The following TSEN2 variants were observed in gnomAD, a reference collection of about 807,000 sequenced individuals.
The protein encoded by TSEN2 is tRNA splicing endonuclease subunit 2.
In TSEN2, 54 loss-of-function variants were observed where a neutral mutation model predicts 59.2. The observed-to-expected ratio is 0.91, with a 90% CI of 0.73 to 1.14. The LOEUF (loss-of-function observed/expected upper bound fraction) is 1.14. TSEN2 is among the 50% of genes most tolerant of loss of function. TSEN2 has a pLI of 0.00. For missense variants in TSEN2, 636 were observed against 576.2 expected (o/e 1.10, Z -1.06); for synonymous variants, 195 against 198.2 (o/e 0.98, Z 0.14).
intron 3 of TSEN2, among the ~76,000 whole-genome samples, chr3:12,494,388 TTTA>T (rs1455244352): frequency 6.6e-6 from 1 of 152,090 alleles, no homozygotes; most frequent in Admixed American, 6.6e-5. Context: ...AAATAGATAT[TTTA>T]TTATATTTTT....
At chr3:12,516,138 C>T (rs1482771058) in intron 6 of TSEN2, among the ~76,000 whole-genome samples, 1 of 151,874 alleles carries the variant, frequency 6.6e-6, no homozygotes, top group Non-Finnish European at 1.5e-5. Flanking sequence ...AAATATGTGA[C>T]TTTTGGCCAG....
intron 8 of TSEN2, among the ~76,000 whole-genome samples, chr3:12,521,782 C>A (rs377163179): frequency 6.6e-6 from 1 of 152,032 alleles, no homozygotes; most frequent in Non-Finnish European, 1.5e-5. Context: ...GAGGCTGAGG[C>A]GGGCTGATCA....
At position 12,533,014 on chromosome 3, in the gene TSEN2, G is replaced by GC; in HGVS notation, c.*293_*294insC. On this transcript the variant is annotated 3_prime_UTR_variant, in exon 12 of 12. Transcript: ENST00000284995. ...ACTCACTGGGGAGATTGGACTAGAG[G>GC]AGTCCTGAGAGGACACTTCCAACAA... 1 of 490,368 alleles carries GC rather than the reference G, an allele frequency of 2.0e-6. No individual in the cohort carries two copies. Among genetic ancestry groups the GC allele is most frequent in the South Asian group, 2.2e-5 (1 of 45,054 alleles). The allele number at this position is 490,368 out of a possible 1,614,324, so 30.4% of individuals were successfully genotyped here. A position where few individuals can be genotyped will look rare whatever the true frequency, so the allele number is the denominator to read the frequency against.
chr3:12,505,277 T>C (rs751355054), intron 6 of TSEN2, 46 bp downstream of exon 6: 1 of 1,148,566 alleles, frequency 8.7e-7, no homozygotes, highest in Non-Finnish European at 1.3e-6. Flanking sequence ...TCTCTGGGCC[T>C]GAACTACACT....
At chr3:12,482,249 G>A (rs189217173), upstream of TSEN2, among the ~76,000 whole-genome samples, 72 of 152,236 alleles carry the variant, frequency 4.7e-4, no homozygotes, top group African/African-American at 1.6e-3. Flanking sequence ...AGCCTCCAGG[G>A]TAGCTGGGAT....
In TSEN2 at chr3:12,503,210, T is replaced by C. The variant is rs146863687; in HGVS notation, c.309-52T>C. ...AGTCTGTTTTATGTGCTTTGTTGTT[T>C]TTTCAATTTTGAAATTCGAGTGCTG... On this transcript the variant is annotated intron_variant, in intron 4 of 11. Coordinates refer to ENST00000284995, the MANE Select transcript of TSEN2 (RefSeq NM_025265.4). The C allele has an allele frequency of 1.1e-4, 185 of 1,611,936 alleles. No homozygotes were observed. The East Asian group carries it at 3.7e-3, about 32-fold the overall frequency.
chr3:12,518,377 C>T (rs183594189), intron 7 of TSEN2, among the ~76,000 whole-genome samples: 5 of 152,302 alleles, frequency 3.3e-5, no homozygotes, highest in East Asian at 1.9e-4. Context: ...GAACTGTGCT[C>T]CAGCCTTGGT....
upstream of TSEN2, among the ~76,000 whole-genome samples, chr3:12,481,907 G>GTGTA (rs910021391): frequency 5.8e-4 from 62 of 106,568 alleles, 1 homozygote; most frequent in African/African-American, 2.1e-3. Flanking sequence ...ATGTGTGTGT[G>GTGTA]TGTGTGTGTG....
intron 11 of TSEN2, among the ~76,000 whole-genome samples, chr3:12,532,219 T>C (rs2057505782): frequency 6.6e-6 from 1 of 152,200 alleles, no homozygotes; most frequent in Non-Finnish European, 1.5e-5. Context: ...GACCTGCTGG[T>C]CGGTCTCCAG....
chr3:12,489,993 A>G lies in TSEN2; in HGVS notation c.189+4A>G, dbSNP rs200486480. The G allele has an allele frequency of 2.8e-5, 45 of 1,614,048 alleles. No individual in the cohort carries two copies. The highest frequency in any genetic ancestry group is 1.5e-4 in the South Asian group (14 of 91,086). On this transcript the variant is annotated splice_donor_region_variant and intron_variant, in intron 2 of 11. Coordinates refer to ENST00000284995, the MANE Select transcript of TSEN2 (RefSeq NM_025265.4). ...CATTGAGCAGCTCTATGGGAAAGTA[A>G]GTGCAGGCAGCCTTGGTAAGATTAC...
chr3:12,503,220 T>C, intron 4 of TSEN2, 42 bp from the exon 5 acceptor site: 1 of 1,613,688 alleles, frequency 6.2e-7, no homozygotes. Context: ...TTTTCAATTT[T>C]GAAATTCGAG....
chr3:12,511,414 A>G (rs2125103104), intron 6 of TSEN2, among the ~76,000 whole-genome samples: 1 of 152,318 alleles, frequency 6.6e-6, no homozygotes, highest in East Asian at 1.9e-4. Flanking sequence ...AGCACTTAAT[A>G]TTAGTGAAGA....
intron 10 of TSEN2, chr3:12,531,339 A>G (rs561819870): frequency 3.0e-5 from 16 of 531,758 alleles, no homozygotes; most frequent in East Asian, 9.5e-5. Flanking sequence ...TTTATAATCA[A>G]TGTATCTGCT....
chr3:12,512,607 G>C (rs1032078544), intron 6 of TSEN2, among the ~76,000 whole-genome samples: 1 of 152,206 alleles, frequency 6.6e-6, no homozygotes, highest in Non-Finnish European at 1.5e-5. Flanking sequence ...CACACACACA[G>C]TGACTAGATC....
At chr3:12,512,499 G>A (rs1398243263) in intron 6 of TSEN2, among the ~76,000 whole-genome samples, 1 of 152,158 alleles carries the variant, frequency 6.6e-6, no homozygotes, top group Non-Finnish European at 1.5e-5. Context: ...TTCTCTGCCT[G>A]GTAGCAGATA....
intron 4 of TSEN2, among the ~76,000 whole-genome samples, chr3:12,502,400 G>A (rs1376127218): frequency 6.6e-6 from 1 of 152,088 alleles, no homozygotes; most frequent in African/African-American, 2.4e-5. Context: ...GCTGGGGGTG[G>A]TGACGCAAGC....
chr3:12,505,529 C>G (rs986890384), intron 6 of TSEN2: 1 of 327,248 alleles, frequency 3.1e-6, no homozygotes, highest in Non-Finnish European at 5.9e-6. Flanking sequence ...GGGCTCACAC[C>G]TGTGATCCCA....
chr3:12,489,510 G>C (rs1394682856), intron 1 of TSEN2, among the ~76,000 whole-genome samples: 1 of 152,172 alleles, frequency 6.6e-6, no homozygotes, highest in Non-Finnish European at 1.5e-5. Flanking sequence ...CTTTGGGCAT[G>C]TCACTAGGTC....
chr3:12,508,841 T>C (rs1575345236), intron 6 of TSEN2, among the ~76,000 whole-genome samples: 1 of 152,216 alleles, frequency 6.6e-6, no homozygotes, highest in African/African-American at 2.4e-5. Flanking sequence ...AACACTCAAA[T>C]GCTTTGCTCT....
Sources: allele counts gnomAD v4.1 joint callset (sites outside exome capture counted in the v4.1 genomes callset), GRCh38; gene constraint gnomAD v4.1.1; transcripts MANE v1.5; gene names NCBI Gene and HGNC (gene_info 2026-07-23, HGNC 2026-07-21).